RBFOX3: variants seen among roughly 807,000 people sequenced by gnomAD.
The protein encoded by RBFOX3 is RNA binding fox-1 homolog 3.
Under a neutral mutation model 48.7 loss-of-function variants are expected in RBFOX3, and 17 were observed. The ratio of observed to expected loss-of-function variants is 0.35; its 90% CI spans 0.24 to 0.52. RBFOX3 has a LOEUF of 0.52. Among genes scored for constraint, RBFOX3 ranks in the 20% least tolerant of loss-of-function variants. The pLI is 0.94. For synonymous variants in RBFOX3, 212 were observed against 209.5 expected (o/e 1.01, Z -0.10); for missense variants, 382 against 497.5 (o/e 0.77, Z 2.21).
chr17:79,174,601 TCA>T (rs756129342), intron 4 of RBFOX3, among the ~76,000 whole-genome samples: 13 of 149,958 alleles, frequency 8.7e-5, no homozygotes, highest in African/African-American at 2.5e-4. Context: ...CACACACCAC[TCA>T]CACTGACACA....
At chr17:79,178,753 A>G (rs1409419079) in intron 4 of RBFOX3, among the ~76,000 whole-genome samples, 1 of 152,224 alleles carries the variant, frequency 6.6e-6, no homozygotes, top group African/African-American at 2.4e-5. Context: ...ACCAAGTGCC[A>G]TCCTTTCCCC....
chr17:79,187,507 T>C (rs910463460), intron 4 of RBFOX3, among the ~76,000 whole-genome samples: 1 of 152,042 alleles, frequency 6.6e-6, no homozygotes, highest in African/African-American at 2.4e-5. Flanking sequence ...GCCCCAGCCC[T>C]GGGGTATTTG....
chr17:79,250,566 C>G (rs145171834), intron 3 of RBFOX3, among the ~76,000 whole-genome samples: 1 of 152,280 alleles, frequency 6.6e-6, no homozygotes, highest in Non-Finnish European at 1.5e-5. Context: ...ACTGCTTGGC[C>G]GATACTCAAT....
At chr17:79,589,592 C>T (rs1304633407) in intron 1 of RBFOX3, among the ~76,000 whole-genome samples, 1 of 152,204 alleles carries the variant, frequency 6.6e-6, no homozygotes, top group Non-Finnish European at 1.5e-5. Context: ...CTCCCAATCT[C>T]CTCCCTGCTG....
intron 1 of RBFOX3, among the ~76,000 whole-genome samples, chr17:79,501,554 C>G (rs1185409158): frequency 1.3e-5 from 2 of 152,212 alleles, no homozygotes; most frequent in Non-Finnish European, 2.9e-5. Flanking sequence ...CTGCAAGAGC[C>G]GAGGGGCTAA....
chr17:79,548,083 CAGAGTTTCCACT>C (rs2090702804), intron 1 of RBFOX3, among the ~76,000 whole-genome samples: 2 of 152,264 alleles, frequency 1.3e-5, no homozygotes, highest in African/African-American at 4.8e-5. Context: ...AGTTCCCAGG[CAGAGTTTCCACT>C]CAGGTCTAGT....
intron 3 of RBFOX3, among the ~76,000 whole-genome samples, chr17:79,244,096 G>A (rs544014078): frequency 9.9e-5 from 15 of 152,256 alleles, no homozygotes; most frequent in Middle Eastern, 6.8e-3. Flanking sequence ...ATGTCCATCC[G>A]GAACCTTATT....
intron 1 of RBFOX3, among the ~76,000 whole-genome samples, chr17:79,587,259 G>A (rs1231316486): frequency 2.6e-5 from 4 of 152,292 alleles, no homozygotes; most frequent in South Asian, 2.1e-4. Context: ...TTCCACACTC[G>A]GTCACTATGG....
intron 1 of RBFOX3, among the ~76,000 whole-genome samples, chr17:79,521,231 C>T (rs1452162791): frequency 6.6e-6 from 1 of 151,990 alleles, no homozygotes; most frequent in African/African-American, 2.4e-5. Context: ...CACACACACA[C>T]ATTCTCATGC....
rs903698182 is a variant in RBFOX3, at chr17:79,571,352, C to G, written c.-320+39474G>C. On this transcript the variant is annotated intron_variant, in intron 1 of 14. Transcript: ENST00000693108. ...CCTGAGCAGAGCCCTGACCTGGCCTCTGTCAAGCCTGGCTAGGACAGGCTA... is the reference window on the plus strand; with the variant it reads ...CCTGAGCAGAGCCCTGACCTGGCCTGTGTCAAGCCTGGCTAGGACAGGCTA... 5.8e-4 allele frequency among the ~76,000 whole-genome samples: 88 copies of G among 152,298 alleles called. 3 individuals are homozygous for G. The South Asian group carries it at 0.018, about 31-fold the overall frequency.
intron 2 of RBFOX3, among the ~76,000 whole-genome samples, chr17:79,315,938 C>T (rs1598223779): frequency 6.6e-6 from 1 of 152,252 alleles, no homozygotes; most frequent in East Asian, 1.9e-4. Context: ...AAACAATTCA[C>T]TCCGCAAGGG....
At chr17:79,469,929 T>C (rs1296633790) in intron 2 of RBFOX3, among the ~76,000 whole-genome samples, 8 of 152,140 alleles carry the variant, frequency 5.3e-5, no homozygotes, top group African/African-American at 1.9e-4. Context: ...CGCATGGAGA[T>C]GGAAGACCAT....
intron 3 of RBFOX3, among the ~76,000 whole-genome samples, chr17:79,266,053 G>A (rs2066647370): frequency 6.6e-6 from 1 of 152,246 alleles, no homozygotes; most frequent in Non-Finnish European, 1.5e-5. Flanking sequence ...ACCCGGACCG[G>A]GCAGGTGAGA....
intron 2 of RBFOX3, among the ~76,000 whole-genome samples, chr17:79,403,504 C>T (rs1263692012): frequency 6.6e-6 from 1 of 152,224 alleles, no homozygotes; most frequent in African/African-American, 2.4e-5. Context: ...ACAGCCCCAC[C>T]ATGGACTTCC....
the RBFOX3 span, among the ~76,000 whole-genome samples, chr17:79,617,847 G>A: frequency 6.6e-6 from 1 of 152,204 alleles, no homozygotes; most frequent in African/African-American, 2.4e-5. Flanking sequence ...AGCAGCTCTG[G>A]GTCCTGGCCT....
At chr17:79,344,834 G>A (rs1274788082) in intron 2 of RBFOX3, among the ~76,000 whole-genome samples, 1 of 152,084 alleles carries the variant, frequency 6.6e-6, no homozygotes, top group African/African-American at 2.4e-5. Context: ...GGGATTACAG[G>A]CATGAGCCAC....
chr17:79,222,856 GT>G (rs1363570117), intron 4 of RBFOX3, among the ~76,000 whole-genome samples: 2 of 152,224 alleles, frequency 1.3e-5, no homozygotes, highest in East Asian at 3.9e-4. Flanking sequence ...CATGGGCTGG[GT>G]TGCTCTTTGG....
chr17:79,496,389 C>T (rs2081541978), intron 1 of RBFOX3, among the ~76,000 whole-genome samples: 1 of 152,144 alleles, frequency 6.6e-6, no homozygotes, highest in East Asian at 1.9e-4. Flanking sequence ...TGGGGCTCTT[C>T]CTCTCTCTAG....
chr17:79,131,864 C>G (rs1198204362), intron 4 of RBFOX3, among the ~76,000 whole-genome samples: 1 of 152,192 alleles, frequency 6.6e-6, no homozygotes, highest in Non-Finnish European at 1.5e-5. Context: ...CAGACTCAGT[C>G]CCTCCCTGCT....
Sources: gnomAD v4.1 joint callset for allele counts (sites outside exome capture counted in the v4.1 genomes callset) on GRCh38, gnomAD v4.1.1 for gene constraint, MANE v1.5 for transcripts, NCBI Gene and HGNC (gene_info 2026-07-23, HGNC 2026-07-21) for gene names.